PRICKLE1: variants seen among roughly 807,000 people sequenced by gnomAD.
PRICKLE1 encodes the protein prickle-like protein 1.
PRICKLE1 carries 14 observed loss-of-function variants against 70.2 expected under a neutral mutation model. That is an observed-to-expected ratio of 0.20 (90% confidence interval 0.13 to 0.31). The LOEUF is 0.31. Among genes scored for constraint, PRICKLE1 ranks in the 10% least tolerant of loss-of-function variants. The pLI is 1.00. For missense variants in PRICKLE1, 821 were observed against 1,026.2 expected, an observed-to-expected ratio of 0.80 and a Z score of 2.73; for synonymous variants, 357 against 379.9, an observed-to-expected ratio of 0.94 and a Z score of 0.70.
At chr12:42,529,098 C>T (rs752336917) in intron 1 of PRICKLE1, among the ~76,000 whole-genome samples, 1 of 152,210 alleles carries the variant, frequency 6.6e-6, no homozygotes. Context: ...CATGGAAACA[C>T]TTACAAAATT....
At chr12:42,495,711 C>A (rs1213439405) in intron 1 of PRICKLE1, among the ~76,000 whole-genome samples, 1 of 152,112 alleles carries the variant, frequency 6.6e-6, no homozygotes, top group Non-Finnish European at 1.5e-5. Context: ...GCCTCAGCCT[C>A]CTGAGTAGCT....
intron 1 of PRICKLE1, among the ~76,000 whole-genome samples, chr12:42,542,796 A>C (rs534777397): frequency 6.6e-6 from 1 of 152,306 alleles, no homozygotes; most frequent in South Asian, 2.1e-4. Flanking sequence ...CACATTCAAG[A>C]TTTGGTTGTT....
intron 2 of PRICKLE1, among the ~76,000 whole-genome samples, chr12:42,470,905 CAAA>C (rs201660544): frequency 1.8e-5 from 2 of 113,572 alleles, no homozygotes; most frequent in African/African-American, 6.4e-5. Context: ...GAATCCGTCT[CAAA>C]AAAAAAAAAA....
intron 1 of PRICKLE1, among the ~76,000 whole-genome samples, chr12:42,552,753 T>C (rs538811885): frequency 1.3e-5 from 2 of 152,304 alleles, no homozygotes; most frequent in South Asian, 2.1e-4. Context: ...GTAAACACAA[T>C]CACATTTCTG....
Position 42,464,089 on chromosome 12 carries a change from C to T in PRICKLE1, c.1639+306G>A, listed in dbSNP as rs377601596. On this transcript the variant is annotated intron_variant, in intron 7 of 7. Coordinates refer to ENST00000345127, the MANE Select transcript of PRICKLE1 (RefSeq NM_153026.3). The surrounding 1 kb of genome is among the most constrained non-coding windows in gnomAD (Gnocchi z 4.2). ...TGTTGCCCAGGCTGGAGTGCAGTGG[C>T]GCAATCTTGGCTCACTACAACCTCT... Among the ~76,000 whole-genome samples the T allele has an allele frequency of 6.6e-6, 1 of 151,518 alleles. No individual in the cohort carries two copies. The highest frequency in any genetic ancestry group is 1.5e-5 in the Non-Finnish European group (1 of 67,968).
At chr12:42,506,794 A>T (rs568985777) in intron 1 of PRICKLE1, among the ~76,000 whole-genome samples, 1 of 149,782 alleles carries the variant, frequency 6.7e-6, no homozygotes, top group East Asian at 2.0e-4. Context: ...GCTGGTCTTG[A>T]ACTTCTGACC....
chr12:42,489,534 G>T (rs965996906), intron 1 of PRICKLE1, among the ~76,000 whole-genome samples: 1 of 150,692 alleles, frequency 6.6e-6, no homozygotes, highest in Non-Finnish European at 1.5e-5. Context: ...GGTGGCAGAC[G>T]ACTTAATCCC....
At chr12:42,471,273 T>C (rs147445811) in intron 2 of PRICKLE1, among the ~76,000 whole-genome samples, 3 of 144,356 alleles carry the variant, frequency 2.1e-5, no homozygotes, top group African/African-American at 7.6e-5. Context: ...TTCTGCTTGT[T>C]TGTTTTTCTG....
intron 1 of PRICKLE1, among the ~76,000 whole-genome samples, chr12:42,534,893 G>A (rs1156503304): frequency 2.0e-5 from 3 of 152,208 alleles, no homozygotes; most frequent in Non-Finnish European, 2.9e-5. Flanking sequence ...AAGAAAATAT[G>A]TATAGTGTGC....
intron 1 of PRICKLE1, chr12:42,483,847 C>G (rs1449883232): frequency 2.0e-5 from 3 of 151,758 alleles, no homozygotes; most frequent in Non-Finnish European, 4.4e-5. Context: ...GTGACGGACT[C>G]TGCTCCCCCG....
intron 1 of PRICKLE1, among the ~76,000 whole-genome samples, chr12:42,530,056 A>T (rs1939883678): frequency 6.7e-6 from 1 of 149,008 alleles, no homozygotes; most frequent in Non-Finnish European, 1.5e-5. Flanking sequence ...CAATTCTCCC[A>T]CCTCAGCCTC....
At chr12:42,480,754 G>T (rs1938764491) in intron 1 of PRICKLE1, among the ~76,000 whole-genome samples, 1 of 152,194 alleles carries the variant, frequency 6.6e-6, no homozygotes, top group Non-Finnish European at 1.5e-5. Context: ...GGACGGTTTT[G>T]CTAGAAGACA....
intron 1 of PRICKLE1, among the ~76,000 whole-genome samples, chr12:42,553,459 G>C (rs1332044416): frequency 9.0e-6 from 1 of 111,556 alleles, no homozygotes; most frequent in African/African-American, 3.5e-5. Context: ...AAAAAAAACT[G>C]TTTTTCTCCA....
intron 1 of PRICKLE1, among the ~76,000 whole-genome samples, chr12:42,549,492 G>A (rs769087772): frequency 4.6e-5 from 7 of 152,098 alleles, no homozygotes; most frequent in Non-Finnish European, 8.8e-5. Context: ...TAGGGTCCGG[G>A]ATCATGGAAC....
intron 6 of PRICKLE1, chr12:42,465,459 A>T: frequency 1.7e-6 from 1 of 596,388 alleles, no homozygotes. Flanking sequence ...CAACTCCCAA[A>T]CTAATATTCG....
intron 1 of PRICKLE1, among the ~76,000 whole-genome samples, chr12:42,578,479 C>T (rs1261950802): frequency 6.6e-6 from 1 of 152,028 alleles, no homozygotes; most frequent in Non-Finnish European, 1.5e-5. Flanking sequence ...ATTAATATAG[C>T]ATCCCTTTGC....
In PRICKLE1 at chr12:42,560,866, C is replaced by A. The variant is rs11181557; in HGVS notation, c.-49+28599G>T. ...TGGGAATTCTTATAATGTAATCATG[C>A]TGTTAACTTTGGTTAATAACATAAA... On this transcript the variant is annotated intron_variant, in intron 1 of 7. Transcript: ENST00000345127. 8.1e-3 allele frequency among the ~76,000 whole-genome samples: 1,227 copies of A among 151,898 alleles called. 20 individuals carry two copies. Among genetic ancestry groups the A allele is most frequent in the African/African-American group, 0.028 (1,171 of 41,430 alleles).
At chr12:42,579,327 CAT>C (rs1039479419) in intron 1 of PRICKLE1, among the ~76,000 whole-genome samples, 9 of 152,160 alleles carry the variant, frequency 5.9e-5, no homozygotes, top group Non-Finnish European at 1.2e-4. Flanking sequence ...TGTGATTTCA[CAT>C]GTCTTTTTTT....
At chr12:42,491,593 C>A (rs137942939) in intron 1 of PRICKLE1, among the ~76,000 whole-genome samples, 214 of 151,816 alleles carry the variant, frequency 1.4e-3, no homozygotes, top group Non-Finnish European at 2.3e-3. Flanking sequence ...AGCTCAGGGG[C>A]CTATCATTAT....
Sources: allele counts gnomAD v4.1 joint callset (sites outside exome capture counted in the v4.1 genomes callset), GRCh38; gene constraint gnomAD v4.1.1; non-coding constraint Gnocchi (gnomAD v3.1); transcripts MANE v1.5; gene names NCBI Gene and HGNC (gene_info 2026-07-23, HGNC 2026-07-21).